NKAIN2: variants seen among roughly 807,000 people sequenced by gnomAD.
The protein encoded by NKAIN2 is sodium/potassium transporting ATPase interacting 2, also known as sodium/potassium-transporting ATPase subunit beta-1-interacting protein 2.
NKAIN2 carries 14 observed loss-of-function variants against 32.6 expected under a neutral mutation model. That is an observed-to-expected ratio of 0.43 (90% CI 0.28 to 0.67). The LOEUF (loss-of-function observed/expected upper bound fraction) is 0.67. Among genes scored for constraint, NKAIN2 ranks in the 30% least tolerant of loss-of-function variants. NKAIN2 has a pLI of 0.17. For missense variants in NKAIN2, 198 were observed against 258.3 expected (o/e 0.77, Z 1.60); for synonymous variants, 80 against 87.2 (o/e 0.92, Z 0.46).
chr6:124,427,703 C>T (rs142124853), intron 3 of NKAIN2, among the ~76,000 whole-genome samples: 26 of 152,118 alleles, frequency 1.7e-4, no homozygotes, highest in African/African-American at 5.3e-4. Context: ...GCCTGAAATA[C>T]GATCTAAGAA....
rs759478475 is a variant in NKAIN2 at position 123,981,070 on chromosome 6, T to C, written c.54+176816T>C. On this transcript the variant is annotated intron_variant, in intron 1 of 6. Transcript: ENST00000368417. ...TTTTAGTAGAGACGGGGTTTCACCATGTTGGCCAGGATGGTCTCAATCTCC... is the reference window on the plus strand; with the variant it reads ...TTTTAGTAGAGACGGGGTTTCACCACGTTGGCCAGGATGGTCTCAATCTCC... Among the ~76,000 whole-genome samples, 4 of 152,224 alleles carry C rather than the reference T, an allele frequency of 2.6e-5. No individual in the cohort carries two copies. The East Asian group carries it at 7.7e-4, about 29-fold the overall frequency.
intron 5 of NKAIN2, among the ~76,000 whole-genome samples, chr6:124,804,119 T>C (rs1003872557): frequency 6.6e-6 from 1 of 152,160 alleles, no homozygotes; most frequent in Non-Finnish European, 1.5e-5. Flanking sequence ...AAGCCCCCCA[T>C]CTTGATGCTA....
At chr6:124,440,747 T>C (rs1415548388) in intron 3 of NKAIN2, among the ~76,000 whole-genome samples, 1 of 152,040 alleles carries the variant, frequency 6.6e-6, no homozygotes, top group East Asian at 1.9e-4. Context: ...CCTAAGTTAC[T>C]GGGCAAAACC....
At chr6:124,713,321 G>A (rs1488137597) in intron 4 of NKAIN2, among the ~76,000 whole-genome samples, 1 of 152,100 alleles carries the variant, frequency 6.6e-6, no homozygotes, top group Non-Finnish European at 1.5e-5. Flanking sequence ...CCAGCAATAA[G>A]CATGGTTCCT....
chr6:124,818,326 GT>G (rs199653504), intron 5 of NKAIN2, 60 bp from the exon 6 acceptor site: 2 of 820,152 alleles, frequency 2.4e-6, no homozygotes, highest in Non-Finnish European at 4.2e-6. Flanking sequence ...ATCTGTGTGG[GT>G]GCTTGATCAT....
chr6:124,655,497 A>T (rs549723236), intron 3 of NKAIN2, among the ~76,000 whole-genome samples: 1 of 152,256 alleles, frequency 6.6e-6, no homozygotes, highest in African/African-American at 2.4e-5. Context: ...AACTCAACTA[A>T]CATCAATGCT....
chr6:124,639,364 G>A (rs1000687697), intron 3 of NKAIN2, among the ~76,000 whole-genome samples: 15 of 152,142 alleles, frequency 9.9e-5, no homozygotes, highest in African/African-American at 3.4e-4. Context: ...GGTGTATATA[G>A]GCTGGGAGTG....
Position 124,702,280 on chromosome 6 carries a change from C to A in NKAIN2, c.474+43894C>A, listed in dbSNP as rs1017473799. 6.6e-5 allele frequency among the ~76,000 whole-genome samples: 10 copies of A among 151,896 alleles called. No homozygotes were observed. In the East Asian group the frequency reaches 1.7e-3, roughly 26 times the overall value. On this transcript the variant is annotated intron_variant, in intron 4 of 6. Coordinates refer to ENST00000368417, the MANE Select transcript of NKAIN2 (RefSeq NM_001040214.3). ...ATTTTGAATTTCATGAAAATGCCAA[C>A]CTTATAAATCATAAATATGAAACCT...
chr6:123,965,532 C>T (rs538759958), intron 1 of NKAIN2, among the ~76,000 whole-genome samples: 1 of 152,228 alleles, frequency 6.6e-6, no homozygotes, highest in South Asian at 2.1e-4. Flanking sequence ...ACCCTGTGAT[C>T]TGTATTCATT....
chr6:124,579,745 A>G (rs942092233), intron 3 of NKAIN2, among the ~76,000 whole-genome samples: 1 of 152,228 alleles, frequency 6.6e-6, no homozygotes, highest in Non-Finnish European at 1.5e-5. Context: ...AACAGCAAGC[A>G]TATTTAACCC....
At chr6:124,118,012 C>T (rs1785699578) in intron 1 of NKAIN2, among the ~76,000 whole-genome samples, 1 of 151,792 alleles carries the variant, frequency 6.6e-6, no homozygotes, top group Non-Finnish European at 1.5e-5. Context: ...TAGATAGCTG[C>T]AGATTTTTTT....
At chr6:124,734,896 C>A (rs1296965182) in intron 4 of NKAIN2, among the ~76,000 whole-genome samples, 2 of 151,884 alleles carry the variant, frequency 1.3e-5, no homozygotes, top group African/African-American at 4.8e-5. Context: ...CCTTGAAGTT[C>A]TTTTAGACTT....
At chr6:124,758,506 CTAA>C (rs2114727872) in intron 4 of NKAIN2, among the ~76,000 whole-genome samples, 1 of 152,214 alleles carries the variant, frequency 6.6e-6, no homozygotes, top group Non-Finnish European at 1.5e-5. Flanking sequence ...GTGTCTGTTG[CTAA>C]ATCTAGCCAG....
chr6:123,825,048 G>C (rs1774091242), intron 1 of NKAIN2, among the ~76,000 whole-genome samples: 1 of 152,148 alleles, frequency 6.6e-6, no homozygotes, highest in South Asian at 2.1e-4. Flanking sequence ...CCGGGTGTCT[G>C]GTGAAAGCCT....
chr6:124,483,291 A>G (rs924869807), intron 3 of NKAIN2, among the ~76,000 whole-genome samples: 7 of 152,202 alleles, frequency 4.6e-5, no homozygotes, highest in Non-Finnish European at 7.4e-5. Context: ...TGAAAGAATA[A>G]GAGGCAAATA....
chr6:124,287,757 A>T, intron 2 of NKAIN2, among the ~76,000 whole-genome samples: 1 of 152,160 alleles, frequency 6.6e-6, no homozygotes, highest in East Asian at 1.9e-4. Context: ...GTAGAATGTG[A>T]TCTGAGATAT....
At chr6:124,470,689 A>G (rs1359447112) in intron 3 of NKAIN2, among the ~76,000 whole-genome samples, 1 of 152,120 alleles carries the variant, frequency 6.6e-6, no homozygotes, top group Non-Finnish European at 1.5e-5. Flanking sequence ...TTTAAAAGAT[A>G]ATAAAGGTGT....
Position 123,864,897 on chromosome 6 carries a change from A to AG in NKAIN2, c.54+60643_54+60644insG, listed in dbSNP as rs560270496. ...TAGCAAAAACATTATATCAAGCTTT[A>AG]ATCATTAAAATTTTACACAGAAATA... is the stretch of plus-strand genomic sequence containing the variant. On this transcript the variant is annotated intron_variant, in intron 1 of 6. Transcript: ENST00000368417. Among the ~76,000 whole-genome samples, 11 of 152,298 alleles carry AG rather than the reference A, an allele frequency of 7.2e-5. No individual in the cohort carries two copies. The East Asian group carries it at 1.9e-3, about 27-fold the overall frequency.
rs144501210 is a variant in NKAIN2 at position 124,415,206 on chromosome 6, C to T, written c.273+59859C>T. Among the ~76,000 whole-genome samples the T allele has an allele frequency of 5.7e-3, 868 of 152,286 alleles. 10 individuals carry two copies. Among genetic ancestry groups the T allele is most frequent in the Non-Finnish European group, 5.7e-3 (385 of 68,016 alleles). Reference sequence around the variant, plus strand: ...CAGTCTCATAAGACTGCCCTCAATTCAGATGCTAATAGCAAGCTCCTGGTG... The same window carrying T: ...CAGTCTCATAAGACTGCCCTCAATTTAGATGCTAATAGCAAGCTCCTGGTG... On this transcript the variant is annotated intron_variant, in intron 3 of 6. Transcript: ENST00000368417.
Sources: allele counts gnomAD v4.1 joint callset (sites outside exome capture counted in the v4.1 genomes callset), GRCh38; gene constraint gnomAD v4.1.1; transcripts MANE v1.5; gene names NCBI Gene and HGNC (gene_info 2026-07-23, HGNC 2026-07-21).